Variants in TSPOAP1 observed in about 807,000 individuals in gnomAD.
The protein encoded by TSPOAP1 is TSPO associated protein 1.
A neutral mutation model predicts 197.0 loss-of-function variants in TSPOAP1; 87 were observed. The observed-to-expected ratio is 0.44, with a 90% CI of 0.37 to 0.53. The LOEUF is 0.53. Ranked by LOEUF, TSPOAP1 falls within the 20% of genes least tolerant of loss-of-function variation. The probability of loss-of-function intolerance (pLI) is 0.00; values close to 1 mark genes in which losing one functional copy is unlikely to be tolerated. For missense variants in TSPOAP1, 2,174 were observed against 2,411.3 expected (o/e 0.90, Z 2.06); for synonymous variants, 913 against 998.9 (o/e 0.91, Z 1.62).
At chr17:58,320,067 C>T (rs368805395) in intron 12 of TSPOAP1, 42 bp downstream of exon 12, 7 of 1,613,666 alleles carry the variant, frequency 4.3e-6, no homozygotes, top group Non-Finnish European at 5.9e-6. Context: ...TGCAACTCAG[C>T]CAGCCTGGAG....
chr17:58,325,164 TG>T (rs1971541943), intron 4 of TSPOAP1, among the ~76,000 whole-genome samples, 162 bp from the exon 5 acceptor site: 1 of 152,188 alleles, frequency 6.6e-6, no homozygotes. Flanking sequence ...CATGCGTATG[TG>T]GCCACATGCT....
chr17:58,320,355 G>A (rs1159360646), intron 11 of TSPOAP1, among the ~76,000 whole-genome samples, 176 bp downstream of exon 11: 4 of 152,146 alleles, frequency 2.6e-5, no homozygotes, highest in African/African-American at 4.8e-5. Flanking sequence ...CTGCCCAGCC[G>A]TGCCCACCCT....
intron 31 of TSPOAP1, chr17:58,303,000 C>T (rs1431271221): frequency 6.6e-6 from 1 of 152,366 alleles, no homozygotes; most frequent in Middle Eastern, 3.2e-3. Context: ...TTGGGACTCT[C>T]CCTTAAGGGC....
In TSPOAP1 at chr17:58,310,865, G is replaced by A; in HGVS notation, c.3430C>T (p.His1144Tyr). ...GAGCAAGGTGCTGGAGGGTCCTCGT[G>A]GGACCCTTTTGCCATCTCTCTGGAA... ...SPSREMAKGSHEDPPAPCSQE... is the reference protein window; with the variant it reads ...SPSREMAKGSYEDPPAPCSQE... Residue 1144 changes from histidine to tyrosine, a missense_variant, in exon 19 of 32, where the codon CAC (histidine) becomes TAC (tyrosine). Physicochemically the swap from His to Tyr is moderately conservative, Grantham distance 83 (BLOSUM62 2). Transcript: ENST00000343736. 1.9e-6 allele frequency: 3 copies of A among 1,539,410 alleles called. No individual in the cohort carries two copies. The highest frequency in any genetic ancestry group is 2.6e-6 in the Non-Finnish European group (3 of 1,146,308).
rs372905504 is a variant in TSPOAP1, at chr17:58,305,175, G to A, written c.5434-4C>T. The A allele has an allele frequency of 1.2e-6, 2 of 1,602,898 alleles. No homozygotes were observed. Among genetic ancestry groups the A allele is most frequent in the African/African-American group, 2.7e-5 (2 of 74,724 alleles). ...CCCTTTGTCCATTTAATTCCCCCTGGAGAGAAGAGGCCGGTGAGACTGAGA... is the reference window on the plus strand; with the variant it reads ...CCCTTTGTCCATTTAATTCCCCCTGAAGAGAAGAGGCCGGTGAGACTGAGA... On this transcript the variant is annotated splice_polypyrimidine_tract_variant and splice_region_variant and intron_variant, in intron 29 of 31. Transcript: ENST00000343736.
At position 58,322,322 on chromosome 17, in the gene TSPOAP1, G is replaced by C. The variant is rs777526823; in HGVS notation, c.1408C>G (p.Arg470Gly). Residue 470 changes from arginine (R) to glycine (G), a missense_variant, in exon 10 of 32, where the codon CGG becomes GGG. By Grantham distance (125) the Arg-to-Gly change is moderately radical. Coordinates refer to ENST00000343736, the MANE Select transcript of TSPOAP1 (RefSeq NM_004758.4). The surrounding 1 kb of genome is among the most constrained non-coding windows in gnomAD (Gnocchi z 5.0). ...LSLREKQEEV[R>G]RLQQAQAEAQ... ...TGCCGCCCCACCTGCTGCAGTCTCCGGACCTCCTCCTGCTTCTCCCGTAGG... is the reference window on the plus strand; with the variant it reads ...TGCCGCCCCACCTGCTGCAGTCTCCCGACCTCCTCCTGCTTCTCCCGTAGG... 1.9e-6 allele frequency: 3 copies of C among 1,603,646 alleles called. No homozygotes were observed. Among genetic ancestry groups the C allele is most frequent in the Non-Finnish European group, 2.5e-6 (3 of 1,179,916 alleles).
intron 10 of TSPOAP1, among the ~76,000 whole-genome samples, chr17:58,321,542 C>A (rs1971405834): frequency 6.6e-6 from 1 of 152,210 alleles, no homozygotes; most frequent in African/African-American, 2.4e-5. Flanking sequence ...AACTGATCCA[C>A]CCACCTTGGC....
rs202196291 is a variant in TSPOAP1, at chr17:58,326,270, G to A, written c.570+23C>T. Reference sequence around the variant, plus strand: ...CCTCTTCCTTGGTCACCCAGCCTCCGCCCAGCAGCCTCCTTTCCTCACCAC... The same window carrying A: ...CCTCTTCCTTGGTCACCCAGCCTCCACCCAGCAGCCTCCTTTCCTCACCAC... On this transcript the variant is annotated intron_variant, in intron 3 of 31. Transcript: ENST00000343736. This position sits in a 1 kb window ranked among gnomAD's most constrained non-coding sequence, Gnocchi z 4.7. The A allele has an allele frequency of 4.9e-5, 79 of 1,612,732 alleles. No homozygotes were observed. Among genetic ancestry groups the A allele is most frequent in the Admixed American group, 3.0e-4 (18 of 59,920 alleles).
At chr17:58,320,178 G>A in intron 11 of TSPOAP1, 49 bp from the exon 12 acceptor site, 1 of 1,613,018 alleles carries the variant, frequency 6.2e-7, no homozygotes, top group Non-Finnish European at 8.5e-7. Context: ...TGAGCGCTGT[G>A]GGTTGCTAAC....
In TSPOAP1 at chr17:58,316,026, C is replaced by G. The variant is rs757535092; in HGVS notation, c.2095G>C (p.Glu699Gln). ...YGNMDEDGFFEGELMDGRRGL... is the reference protein window; with the variant it reads ...YGNMDEDGFFQGELMDGRRGL... ...TGACCCCCCACTACATTCCTACCTT[C>G]AAAAAAGCCATCCTCATCCATGTTG... Residue 699 changes from glutamate to glutamine, a missense_variant, in exon 16 of 32, where the codon GAA becomes CAA. By Grantham distance (29) the Glu-to-Gln change is conservative (BLOSUM62 2). Around this residue, in one of 5 missense-constraint regions of TSPOAP1, gnomAD observed 1,933 missense variants for 2,139.0 expected, o/e 0.90. Coordinates refer to ENST00000343736, the MANE Select transcript of TSPOAP1 (RefSeq NM_004758.4). 75 of 1,613,062 alleles carry G rather than the reference C, an allele frequency of 4.6e-5. No individual in the cohort carries two copies. Among genetic ancestry groups the G allele is most frequent in the Non-Finnish European group, 6.2e-5 (73 of 1,179,258 alleles).
At chr17:58,315,252 A>G (rs1971191546) in intron 16 of TSPOAP1, among the ~76,000 whole-genome samples, 1 of 152,226 alleles carries the variant, frequency 6.6e-6, no homozygotes, top group Non-Finnish European at 1.5e-5. Flanking sequence ...CAGGCTCCCA[A>G]GCTTCCAGGG....
chr17:58,316,373 A>C, intron 15 of TSPOAP1, 52 bp downstream of exon 15: 1 of 1,518,626 alleles, frequency 6.6e-7, no homozygotes, highest in Non-Finnish European at 9.0e-7. Flanking sequence ...GCCCCCTCCT[A>C]TACCCCAAAT....
At position 58,309,921 on chromosome 17, in the gene TSPOAP1, C is replaced by T. The variant is rs749434206; in HGVS notation, c.3891+46G>A. The stretch of plus-strand genomic sequence containing the variant: ...CTGCTGACACACAGTGGGGAGGCCC[C>T]GGAGTTTGAGGCCTGGGGCCCAACA... On this transcript the variant is annotated intron_variant, in intron 21 of 31. Coordinates refer to ENST00000343736, the MANE Select transcript of TSPOAP1 (RefSeq NM_004758.4). This position sits in a 1 kb window ranked among gnomAD's most constrained non-coding sequence, Gnocchi z 5.0. The T allele has an allele frequency of 2.8e-5, 44 of 1,565,974 alleles. No individual in the cohort carries two copies. Among genetic ancestry groups the T allele is most frequent in the Non-Finnish European group, 3.5e-5 (40 of 1,155,246 alleles).
intron 29 of TSPOAP1, 26 bp from the exon 30 acceptor site, chr17:58,305,197 G>C: frequency 6.3e-7 from 1 of 1,576,648 alleles, no homozygotes; most frequent in Non-Finnish European, 8.7e-7. Context: ...CGGTGAGACT[G>C]AGATCAGGAA....
At chr17:58,323,101 C>G in intron 7 of TSPOAP1, 62 bp from the exon 8 acceptor site, 1 of 1,550,830 alleles carries the variant, frequency 6.4e-7, no homozygotes, top group Non-Finnish European at 8.8e-7. Flanking sequence ...TCTCCCCACA[C>G]AGAGGACCCT....
chr17:58,326,239 G>A lies in TSPOAP1; in HGVS notation c.570+54C>T, dbSNP rs1403535257. The stretch of plus-strand genomic sequence containing the variant: ...TCAGACAGCCCTCAGGCCCAGCCCT[G>A]GCTCCCCTCTTCCTTGGTCACCCAG... On this transcript the variant is annotated intron_variant, in intron 3 of 31. Coordinates refer to ENST00000343736, the MANE Select transcript of TSPOAP1 (RefSeq NM_004758.4). The surrounding 1 kb of genome is among the most constrained non-coding windows in gnomAD (Gnocchi z 4.7). The A allele has an allele frequency of 3.7e-6, 6 of 1,605,534 alleles. No homozygotes were observed. The highest frequency in any genetic ancestry group is 5.1e-6 in the Non-Finnish European group (6 of 1,175,904).
chr17:58,305,278 G>A, intron 29 of TSPOAP1, 107 bp from the exon 30 acceptor site: 1 of 1,495,876 alleles, frequency 6.7e-7, no homozygotes, highest in South Asian at 1.1e-5. Context: ...ACTGTCCAGG[G>A]AGGTGACCCG....
In TSPOAP1 at chr17:58,316,511, C is replaced by G. The variant is rs201663568; in HGVS notation, c.1902G>C (p.Leu634=). ...GGAGCAGGGAGACACTGTCTGCCTC[C>G]AGCTCCTCTACCTCACTGGCTGTGT... ...EVDTASEVEE[L]EADSVSLLPA... Residue 634 remains leucine, a synonymous_variant, in exon 15 of 32, where the codon CTG becomes CTC. Transcript: ENST00000343736. 99 of 1,613,404 alleles carry G rather than the reference C, an allele frequency of 6.1e-5. No homozygotes were observed. The East Asian group carries it at 2.1e-3, about 35-fold the overall frequency.
Position 58,320,537 on chromosome 17 carries a change from C to T in TSPOAP1, c.1467G>A (p.Leu489=). ...CCACTTCCAGGCGCCCTACCTCCAG[C>T]AGCTGCACGGCTCCTTCATGTTCCC... ...AQREHEGAVQ[L]LESTLDSMQA... is the part of the protein sequence containing the mutation. The change falls in exon 11 of 32, where the codon CTG becomes CTA. Residue 489 remains leucine, a synonymous_variant. Coordinates refer to ENST00000343736, the MANE Select transcript of TSPOAP1 (RefSeq NM_004758.4). 6.6e-7 allele frequency: 1 copy of T among 1,512,284 alleles called. No homozygotes were observed. The highest frequency in any genetic ancestry group is 8.8e-7 in the Non-Finnish European group (1 of 1,132,076). 93.7% of individuals were successfully genotyped at this position (1,512,284 alleles called of 1,614,324 possible).
Sources: allele counts gnomAD v4.1 joint callset (sites outside exome capture counted in the v4.1 genomes callset), GRCh38; gene constraint gnomAD v4.1.1; regional missense constraint gnomAD v4.1.1; non-coding constraint Gnocchi (gnomAD v3.1); transcripts MANE v1.5; gene names NCBI Gene and HGNC (gene_info 2026-07-23, HGNC 2026-07-21).